The following TAF2 variants were observed in gnomAD, a reference collection of about 807,000 sequenced individuals.
TAF2 encodes the protein transcription initiation factor TFIID subunit 2.
In TAF2, 61 loss-of-function variants were observed where a neutral mutation model predicts 138.5. The ratio of observed to expected loss-of-function variants is 0.44; its 90% CI spans 0.36 to 0.54. TAF2 has a LOEUF of 0.54. Among genes scored for constraint, TAF2 ranks in the 20% least tolerant of loss-of-function variants. TAF2 has a pLI of 0.00. For missense variants in TAF2, 1,090 were observed against 1,427.9 expected, an observed-to-expected ratio of 0.76 and a Z score of 3.81; for synonymous variants, 475 against 469.9, an observed-to-expected ratio of 1.01 and a Z score of -0.14.
intron 3 of TAF2, among the ~76,000 whole-genome samples, chr8:119,815,773 A>G (rs533508541): frequency 6.6e-6 from 1 of 152,334 alleles, no homozygotes; most frequent in East Asian, 1.9e-4. Flanking sequence ...ACAATCTACA[A>G]TCTATCTACA....
chr8:119,795,667 C>G lies in TAF2; in HGVS notation c.1092-36G>C, dbSNP rs767362419. The G allele has an allele frequency of 2.0e-5, 31 of 1,547,400 alleles. 1 individual carries two copies. In the South Asian group the frequency reaches 3.2e-4, roughly 16 times the overall value. ...AGTCAAAGCATAAATTACTTTTAAT[C>G]ATAAAAACTCCTCAGATAATGTCAA... On this transcript the variant is annotated intron_variant, in intron 8 of 25. Coordinates refer to ENST00000378164, the MANE Select transcript of TAF2 (RefSeq NM_003184.4).
chr8:119,797,128 T>C, intron 7 of TAF2, 25 bp from the exon 8 acceptor site: 1 of 1,456,378 alleles, frequency 6.9e-7, no homozygotes, highest in Non-Finnish European at 9.6e-7. Context: ...AGAAGAAAGC[T>C]CATTATAACC....
chr8:119,774,821 T>C (rs73702612), intron 18 of TAF2, among the ~76,000 whole-genome samples: 16,990 of 152,048 alleles, frequency 0.11, 1,567 homozygotes, highest in African/African-American at 0.25. Context: ...CTGGTGTTAT[T>C]AGAAAGAAAC....
intron 25 of TAF2, among the ~76,000 whole-genome samples, 157 bp from the exon 26 acceptor site, chr8:119,732,343 G>A (rs1421338544): frequency 6.6e-6 from 1 of 152,126 alleles, no homozygotes; most frequent in Non-Finnish European, 1.5e-5. Context: ...CATGTAATTA[G>A]TTACACACAG....
chr8:119,793,846 C>T lies in TAF2; in HGVS notation c.1192-395G>A, dbSNP rs947807280. On this transcript the variant is annotated intron_variant, in intron 9 of 25. Transcript: ENST00000378164. ...TCTATCATTTTAAAACTTCTCCAGTCTTCTCTAACATGACATAAATTGAAC... is the reference window on the plus strand; with the variant it reads ...TCTATCATTTTAAAACTTCTCCAGTTTTCTCTAACATGACATAAATTGAAC... 3.5e-3 allele frequency among the ~76,000 whole-genome samples: 466 copies of T among 133,976 alleles called. 2 individuals carry two copies. Among genetic ancestry groups the T allele is most frequent in the South Asian group, 7.1e-3 (31 of 4,370 alleles). The allele number at this position is 133,976 out of a possible 152,430, so 87.9% of individuals were successfully genotyped here. A position where few individuals can be genotyped will look rare whatever the true frequency, so the allele number is the denominator to read the frequency against.
intron 4 of TAF2, among the ~76,000 whole-genome samples, chr8:119,805,768 T>C (rs1824589022): frequency 6.6e-6 from 1 of 152,146 alleles, no homozygotes; most frequent in African/African-American, 2.4e-5. Context: ...AAATTGCTTT[T>C]TTCACAGCCC....
intron 18 of TAF2, among the ~76,000 whole-genome samples, chr8:119,776,939 T>A (rs1228076183): frequency 6.6e-6 from 1 of 152,184 alleles, no homozygotes; most frequent in Non-Finnish European, 1.5e-5. Flanking sequence ...ATCCATGGAT[T>A]CTGCATCTTT....
chr8:119,810,907 A>AAAATGAGT (rs1485582771), intron 3 of TAF2, among the ~76,000 whole-genome samples: 1 of 152,210 alleles, frequency 6.6e-6, no homozygotes, highest in Non-Finnish European at 1.5e-5. Flanking sequence ...TGGTCCAAAT[A>AAAATGAGT]AAATGAGTGA....
chr8:119,744,299 G>C lies in TAF2; in HGVS notation c.3203C>G (p.Pro1068Arg). 6.2e-7 allele frequency: 1 copy of C among 1,613,608 alleles called. No individual in the cohort carries two copies. Among genetic ancestry groups the C allele is most frequent in the South Asian group, 1.1e-5 (1 of 91,076 alleles). ...ISHHLNMLER[P>R]STPGLSKYRP... ...AATACTAATCTTACCTGGAGTTGAC[G>C]GCCTTTCAAGCATGTTTAAATGATG... is the stretch of plus-strand genomic sequence containing the variant. The change falls in exon 24 of 26, where the codon CCG becomes CGG. Residue 1068 changes from proline (P) to arginine (R), a missense_variant. Coordinates refer to ENST00000378164, the MANE Select transcript of TAF2 (RefSeq NM_003184.4).
rs1349922208 is a variant in TAF2 at position 119,797,026 on chromosome 8, T to C, written c.1055A>G (p.Gln352Arg). The C allele has an allele frequency of 1.2e-6, 2 of 1,613,336 alleles. No individual in the cohort carries two copies. The highest frequency in any genetic ancestry group is 3.3e-5 in the Admixed American group (2 of 59,980). The stretch of plus-strand genomic sequence containing the variant: ...AGATATGAAACAACCAAAAAACTGC[T>C]GGGCCAAGGATTGGGCTAAACACCT... ...TRRCLAQSLA[Q>R]QFFGCFISRM... Residue 352 changes from glutamine (Q) to arginine (R), a missense_variant, in exon 8 of 26, where the codon CAG (glutamine) becomes CGG (arginine). By Grantham distance (43) the Gln-to-Arg change is conservative. Transcript: ENST00000378164.
chr8:119,790,014 A>C (rs1158343174), intron 11 of TAF2, among the ~76,000 whole-genome samples: 1 of 152,108 alleles, frequency 6.6e-6, no homozygotes, highest in Non-Finnish European at 1.5e-5. Context: ...ATAATATATA[A>C]TACCTATAAT....
intron 6 of TAF2, among the ~76,000 whole-genome samples, chr8:119,799,637 C>T (rs1365410532): frequency 1.3e-5 from 2 of 152,154 alleles, no homozygotes; most frequent in Non-Finnish European, 2.9e-5. Context: ...TTTATAGCAG[C>T]ATGATTTATA....
chr8:119,787,845 C>G (rs949699427), intron 14 of TAF2, among the ~76,000 whole-genome samples: 1 of 152,164 alleles, frequency 6.6e-6, no homozygotes, highest in Non-Finnish European at 1.5e-5. Context: ...ACCCAAATGC[C>G]CATCAATGAT....
chr8:119,828,677 G>A (rs978689951), intron 2 of TAF2, among the ~76,000 whole-genome samples: 1 of 152,202 alleles, frequency 6.6e-6, no homozygotes, highest in Non-Finnish European at 1.5e-5. Flanking sequence ...GGGAAGCAGG[G>A]ACTGTTACAA....
intron 3 of TAF2, among the ~76,000 whole-genome samples, chr8:119,815,455 T>G (rs1336229230): frequency 2.0e-5 from 3 of 151,880 alleles, no homozygotes; most frequent in Admixed American, 6.5e-5. Flanking sequence ...TTTGTATTTT[T>G]AGTAGAGACG....
chr8:119,745,133 C>A (rs950131566), intron 23 of TAF2: 3 of 406,218 alleles, frequency 7.4e-6, no homozygotes, highest in Non-Finnish European at 9.8e-6. Flanking sequence ...CAGATTAGAG[C>A]ATGCCCAGTG....
chr8:119,819,631 T>TA, intron 2 of TAF2, 125 bp from the exon 3 acceptor site: 1 of 735,852 alleles, frequency 1.4e-6, no homozygotes, highest in Non-Finnish European at 2.4e-6. Flanking sequence ...GCTACATACA[T>TA]ACATATGCTC....
chr8:119,789,780 AAC>A, intron 11 of TAF2, 34 bp from the exon 12 acceptor site: 1 of 1,596,378 alleles, frequency 6.3e-7, no homozygotes, highest in Non-Finnish European at 8.6e-7. Flanking sequence ...AAATTCATAT[AAC>A]AGATTCTTTT....
chr8:119,795,631 C>A lies in TAF2; in HGVS notation c.1092G>T (p.Trp364Cys). The A allele has an allele frequency of 6.2e-7, 1 of 1,613,418 alleles. No individual in the cohort carries two copies. The highest frequency in any genetic ancestry group is 8.5e-7 in the Non-Finnish European group (1 of 1,179,642). The change falls in exon 9 of 26, where the codon TGG becomes TGT. Residue 364 changes from tryptophan to cysteine, a missense_variant and splice_region_variant. By Grantham distance (215) the Trp-to-Cys change is radical. Around this residue, in one of 3 missense-constraint regions of TAF2, gnomAD observed 504 missense variants for 680.9 expected, o/e 0.74. Coordinates refer to ENST00000378164, the MANE Select transcript of TAF2 (RefSeq NM_003184.4). Reference sequence around the variant, plus strand: ...TTCCCTTCAGCACCCATTCATCAGACCTAAGCAAAAAGTCAAAGCATAAAT... The same window carrying A: ...TTCCCTTCAGCACCCATTCATCAGAACTAAGCAAAAAGTCAAAGCATAAAT... ...FFGCFISRMS[W>C]SDEWVLKGIS...
Sources: allele counts gnomAD v4.1 joint callset (sites outside exome capture counted in the v4.1 genomes callset), GRCh38; gene constraint gnomAD v4.1.1; regional missense constraint gnomAD v4.1.1; transcripts MANE v1.5; gene names NCBI Gene and HGNC (gene_info 2026-07-23, HGNC 2026-07-21).